DMD: variants seen among roughly 807,000 people sequenced by gnomAD.
DMD encodes the protein dystrophin.
A neutral mutation model predicts 330.1 loss-of-function variants in DMD; 63 were observed. That is an observed-to-expected ratio of 0.19 (90% confidence interval 0.16 to 0.24). The LOEUF is 0.24. Among genes scored for constraint, DMD ranks in the 10% least tolerant of loss-of-function variants. The probability of loss-of-function intolerance (pLI) is 1.00; values close to 1 mark genes in which losing one functional copy is unlikely to be tolerated. For missense variants in DMD, 3,344 were observed against 2,684.1 expected (o/e 1.25, Z -5.43); for synonymous variants, 1,223 against 959.8 (o/e 1.27, Z -5.07).
At chrX:31,519,668 A>G in intron 55 of DMD, among the ~76,000 whole-genome samples, 2 of 112,425 alleles carry the variant, frequency 1.8e-5, no homozygotes. Context: ...ACAATTTCCA[A>G]AATAATCACA....
chrX:33,101,797 A>G (rs1205854899), intron 1 of DMD, among the ~76,000 whole-genome samples: 3 of 112,018 alleles, frequency 2.7e-5, no homozygotes, highest in African/African-American at 9.7e-5. Context: ...TAATATGGTA[A>G]ATGACATTTT....
chrX:33,169,116 C>CA (rs1472330577), intron 1 of DMD, among the ~76,000 whole-genome samples: 3 of 109,620 alleles, frequency 2.7e-5, no homozygotes, highest in Non-Finnish European at 5.7e-5. Context: ...TTTTATTACC[C>CA]AATGAACAGA....
intron 7 of DMD, among the ~76,000 whole-genome samples, chrX:32,706,880 C>T (rs1228245971): frequency 9.0e-6 from 1 of 111,105 alleles, no homozygotes; most frequent in Non-Finnish European, 1.9e-5. Flanking sequence ...CACCTGAGGT[C>T]AGGAGTTCAG....
At position 32,532,470 on chromosome X, in the gene DMD, T is replaced by A. The variant is rs776510936; in HGVS notation, c.2168+12689A>T. On this transcript the variant is annotated intron_variant, in intron 17 of 78. Transcript: ENST00000357033. Reference sequence around the variant, plus strand: ...AACACCCTAAGCTAGGCTGTCTGGGTTCAAATCCTAGCTGCGATGCTTCCT... The same window carrying A: ...AACACCCTAAGCTAGGCTGTCTGGGATCAAATCCTAGCTGCGATGCTTCCT... Among the ~76,000 whole-genome samples the A allele has an allele frequency of 2.7e-5, 3 of 112,384 alleles. No homozygotes were observed. The East Asian group carries it at 8.3e-4, about 31-fold the overall frequency.
At chrX:32,183,555 TATATATATATATATAA>T (rs913158819) in intron 44 of DMD, among the ~76,000 whole-genome samples, 1 of 61,545 alleles carries the variant, frequency 1.6e-5, no homozygotes, top group African/African-American at 5.3e-5. Context: ...GCTACACAAA[TATATATATATATATAA>T]ATATATATAT....
At chrX:32,086,154 G>T (rs1010710142) in intron 44 of DMD, among the ~76,000 whole-genome samples, 10 of 111,935 alleles carry the variant, frequency 8.9e-5, no homozygotes, top group African/African-American at 3.2e-4. Context: ...GATCAGATCG[G>T]TGATTACTCT....
intron 47 of DMD, among the ~76,000 whole-genome samples, chrX:31,927,339 A>G (rs1453011292): frequency 8.9e-6 from 1 of 112,172 alleles, no homozygotes; most frequent in Non-Finnish European, 1.9e-5. Flanking sequence ...ATTCTGTTGC[A>G]GGACACATAA....
At chrX:31,323,200 T>C (rs1340330402) in intron 62 of DMD, among the ~76,000 whole-genome samples, 2 of 111,812 alleles carry the variant, frequency 1.8e-5, no homozygotes, top group East Asian at 5.6e-4. Flanking sequence ...CCCAAAACAG[T>C]TGTGTACATA....
intron 7 of DMD, among the ~76,000 whole-genome samples, chrX:32,808,732 T>TTGAAGA (rs1435487224): frequency 8.9e-6 from 1 of 112,020 alleles, no homozygotes; most frequent in East Asian, 2.8e-4. Context: ...ATCCCACCGA[T>TTGAAGA]TTCACTTTTC....
At chrX:32,085,648 A>ACATAAATACGTATTTATATACGCG (rs1360350380) in intron 44 of DMD, among the ~76,000 whole-genome samples, 1 of 71,624 alleles carries the variant, frequency 1.4e-5, no homozygotes, top group Non-Finnish European at 2.8e-5. Flanking sequence ...ACGTATATAT[A>ACATAAATACGTATTTATATACGCG]TGTGTGTATA....
chrX:32,547,983 T>A (rs916930321), intron 16 of DMD, among the ~76,000 whole-genome samples: 17 of 111,798 alleles, frequency 1.5e-4, no homozygotes, highest in African/African-American at 5.2e-4. Flanking sequence ...ATGACCCTGA[T>A]AAATATCATT....
At chrX:31,642,573 A>G (rs2079834442) in intron 54 of DMD, among the ~76,000 whole-genome samples, 1 of 112,187 alleles carries the variant, frequency 8.9e-6, no homozygotes, top group Admixed American at 9.5e-5. Flanking sequence ...AATCCCATAC[A>G]AGTTGTCCAC....
intron 43 of DMD, among the ~76,000 whole-genome samples, chrX:32,247,588 C>T (rs1346943851): frequency 1.8e-5 from 2 of 111,246 alleles, no homozygotes; most frequent in African/African-American, 3.3e-5. Context: ...GTTAATTTCT[C>T]CTAAACTTTC....
intron 45 of DMD, among the ~76,000 whole-genome samples, chrX:31,960,552 C>A (rs1489566160): frequency 1.8e-5 from 2 of 111,146 alleles, no homozygotes; most frequent in Non-Finnish European, 3.8e-5. Flanking sequence ...TCTTCTCATC[C>A]TTTAAGACCC....
At chrX:32,555,656 G>A (rs2050215424) in intron 16 of DMD, among the ~76,000 whole-genome samples, 1 of 111,360 alleles carries the variant, frequency 9.0e-6, no homozygotes, top group African/African-American at 3.3e-5. Flanking sequence ...ACAGAATAGA[G>A]AACTCAGAAA....
chrX:33,145,305 C>A (rs1207156894), intron 1 of DMD, among the ~76,000 whole-genome samples: 1 of 111,785 alleles, frequency 8.9e-6, no homozygotes, highest in African/African-American at 3.2e-5. Flanking sequence ...ATGACTGGTT[C>A]CTCTAGACAG....
At chrX:32,343,322 T>C (rs1372968166) in intron 39 of DMD, 36 bp from the exon 40 acceptor site, 2 of 1,137,478 alleles carry the variant, frequency 1.8e-6, no homozygotes, top group Middle Eastern at 2.4e-4. Context: ...AATATCAATA[T>C]ATATGTATAG....
At chrX:31,818,207 T>C (rs2092679137) in intron 50 of DMD, among the ~76,000 whole-genome samples, 1 of 112,365 alleles carries the variant, frequency 8.9e-6, no homozygotes, top group Admixed American at 9.4e-5. Context: ...TGAGACAGTA[T>C]ATATTTTCTT....
chrX:32,092,215 C>T (rs986977552), intron 44 of DMD, among the ~76,000 whole-genome samples: 1 of 111,700 alleles, frequency 9.0e-6, no homozygotes, highest in African/African-American at 3.3e-5. Context: ...GGGCAACTCC[C>T]AGCATGCAAG....
Sources: allele counts gnomAD v4.1 joint callset (sites outside exome capture counted in the v4.1 genomes callset), GRCh38; gene constraint gnomAD v4.1.1; transcripts MANE v1.5; gene names NCBI Gene and HGNC (gene_info 2026-07-23, HGNC 2026-07-21).